Variants in TRIM67 observed in about 807,000 individuals in gnomAD.
TRIM67 encodes tripartite motif containing 67, also known as tripartite motif-containing protein 67.
A neutral mutation model predicts 71.0 loss-of-function variants in TRIM67; 39 were observed. The observed-to-expected ratio is 0.55, with a 90% CI of 0.43 to 0.72. The LOEUF is 0.72. Among genes scored for constraint, TRIM67 ranks in the 30% least tolerant of loss-of-function variants. The pLI is 0.00. For synonymous variants in TRIM67, 481 were observed against 473.9 expected (o/e 1.01, Z -0.19); for missense variants, 973 against 1,079.2 (o/e 0.90, Z 1.38).
chr1:231,186,355 C>G (rs1373968880), intron 1 of TRIM67, among the ~76,000 whole-genome samples: 1 of 152,168 alleles, frequency 6.6e-6, no homozygotes, highest in Non-Finnish European at 1.5e-5. Context: ...TCCTTTTAGT[C>G]CCTCTGTATT....
chr1:231,203,812 G>C lies in TRIM67; in HGVS notation c.1535-55G>C. On this transcript the variant is annotated intron_variant, in intron 5 of 9. Coordinates refer to ENST00000366653, the MANE Select transcript of TRIM67 (RefSeq NM_001004342.5). ...CTGGGATGGGGTGGGGTGGGGGACC[G>C]GGCTGGGGCCCTCGGAGGGCTTCCT... The C allele has an allele frequency of 2.5e-6, 4 of 1,574,460 alleles. No individual in the cohort carries two copies. The South Asian group carries it at 4.6e-5, about 18-fold the overall frequency.
chr1:231,168,955 A>T (rs1682549084), intron 1 of TRIM67, among the ~76,000 whole-genome samples: 2 of 152,264 alleles, frequency 1.3e-5, no homozygotes, highest in Admixed American at 6.5e-5. Flanking sequence ...AACTTTAAGC[A>T]GAGTGTTTGG....
rs1683009110 is a variant in TRIM67, at chr1:231,184,767, T to C, written c.1045-12604T>C. On this transcript the variant is annotated intron_variant, in intron 1 of 9. Coordinates refer to ENST00000366653, the MANE Select transcript of TRIM67 (RefSeq NM_001004342.5). ...TCATTCTACCGAGAACCACCATGAG[T>C]AGAGTGCCAGTCCCTGAACCCAGGG... 5.7e-6 allele frequency: 3 copies of C among 528,706 alleles called. No individual in the cohort carries two copies. The African/African-American group carries it at 5.9e-5, about 10-fold the overall frequency. 32.8% of individuals were successfully genotyped at this position (528,706 alleles called of 1,614,324 possible). A position where few individuals can be genotyped will look rare whatever the true frequency, so the allele number is the denominator to read the frequency against.
Position 231,215,383 on chromosome 1 carries a change from G to A in TRIM67, c.2295G>A (p.Leu765=). Residue 765 remains leucine, a synonymous_variant, in exon 10 of 10, where the codon CTG becomes CTA. Transcript: ENST00000366653. ...LSLNRNVQVT[L]HTGLEVPTNL... ...CCTGTCTTCTTTTCCAGGTCACCCT[G>A]CACACAGGATTGGAAGTGCCGACTA... is the stretch of plus-strand genomic sequence containing the variant. The A allele has an allele frequency of 6.2e-7, 1 of 1,612,788 alleles. No individual in the cohort carries two copies. Among genetic ancestry groups the A allele is most frequent in the Non-Finnish European group, 8.5e-7 (1 of 1,179,196 alleles).
intron 1 of TRIM67, chr1:231,184,454 A>T: frequency 6.5e-6 from 1 of 154,638 alleles, no homozygotes. Context: ...GGGAACCTGC[A>T]GTAGGCAAAT....
chr1:231,169,950 G>A (rs1682580061), intron 1 of TRIM67, among the ~76,000 whole-genome samples: 1 of 151,326 alleles, frequency 6.6e-6, no homozygotes, highest in African/African-American at 2.4e-5. Flanking sequence ...TGGTAATTCA[G>A]GGACCTTTAT....
In TRIM67 at chr1:231,216,279, C is replaced by A. The variant is rs1221919947; in HGVS notation, c.*839C>A. On this transcript the variant is annotated 3_prime_UTR_variant, in exon 10 of 10. Coordinates refer to ENST00000366653, the MANE Select transcript of TRIM67 (RefSeq NM_001004342.5). ...CCTCTTTCGCTCTCTTTCCCTCCCTCCTTCTCTCTCTCTCTCACACACACA... is the reference window on the plus strand; with the variant it reads ...CCTCTTTCGCTCTCTTTCCCTCCCTACTTCTCTCTCTCTCTCACACACACA... 3 of 984,006 alleles carry A rather than the reference C, an allele frequency of 3.0e-6. No individual in the cohort carries two copies. Among genetic ancestry groups the A allele is most frequent in the Non-Finnish European group, 2.4e-6 (2 of 828,772 alleles). The allele number at this position is 984,006 out of a possible 1,614,324, so 61.0% of individuals were successfully genotyped here.
At chr1:231,178,928 T>C (rs948859564) in intron 1 of TRIM67, among the ~76,000 whole-genome samples, 27 of 152,346 alleles carry the variant, frequency 1.8e-4, no homozygotes, top group African/African-American at 6.5e-4. Flanking sequence ...GCTTCCCTTG[T>C]GTCCTAGAGA....
At chr1:231,167,761 C>T (rs971727269) in intron 1 of TRIM67, among the ~76,000 whole-genome samples, 2 of 152,086 alleles carry the variant, frequency 1.3e-5, no homozygotes, top group African/African-American at 4.8e-5. Context: ...AGCCAACTCT[C>T]ACGTCTTAAG....
At position 231,219,614 on chromosome 1, in the gene TRIM67, A is replaced by C; in HGVS notation, c.*4174A>C. On this transcript the variant is annotated 3_prime_UTR_variant, in exon 10 of 10. Coordinates refer to ENST00000366653, the MANE Select transcript of TRIM67 (RefSeq NM_001004342.5). The stretch of plus-strand genomic sequence containing the variant: ...CCTGCCCGCTCCCCACTTCCTAGAA[A>C]GCAAAACTCGTTACCTTTGTTTTCC... 8.8e-7 allele frequency: 1 copy of C among 1,136,658 alleles called. No individual in the cohort carries two copies. Among genetic ancestry groups the C allele is most frequent in the Non-Finnish European group, 1.1e-6 (1 of 917,594 alleles). 70.4% of individuals were successfully genotyped at this position (1,136,658 alleles called of 1,614,324 possible). A position where few individuals can be genotyped will look rare whatever the true frequency, so the allele number is the denominator to read the frequency against.
In TRIM67 at chr1:231,220,855, A is replaced by G. The variant is rs920706636; in HGVS notation, c.*5415A>G. On this transcript the variant is annotated 3_prime_UTR_variant, in exon 10 of 10. Coordinates refer to ENST00000366653, the MANE Select transcript of TRIM67 (RefSeq NM_001004342.5). ...TGGGCCGGTGATGCGGGCACTGCAG[A>G]CCAGGCCAGGCCCTCGGGTAAAGCT... is the stretch of plus-strand genomic sequence containing the variant. The G allele has an allele frequency of 1.3e-5, 2 of 152,386 alleles. No individual in the cohort carries two copies. Among genetic ancestry groups the G allele is most frequent in the African/African-American group, 4.8e-5 (2 of 41,478 alleles). 9.4% of individuals were successfully genotyped at this position (152,386 alleles called of 1,614,324 possible).
At chr1:231,187,536 TA>T (rs1384682954) in intron 1 of TRIM67, 10 of 1,532,254 alleles carry the variant, frequency 6.5e-6, no homozygotes, top group Non-Finnish European at 8.7e-6. Flanking sequence ...GAGGGGCAGA[TA>T]AAAAGGTGAG....
intron 8 of TRIM67, among the ~76,000 whole-genome samples, chr1:231,210,485 A>T (rs1392675023): frequency 6.6e-6 from 1 of 151,352 alleles, no homozygotes; most frequent in Admixed American, 6.6e-5. Flanking sequence ...AGAGGCGGGC[A>T]GCTCTGTGCC....
Position 231,163,671 on chromosome 1 carries a change from C to G in TRIM67, c.702C>G (p.Cys234Trp). 1 of 1,517,360 alleles carries G rather than the reference C, an allele frequency of 6.6e-7. No homozygotes were observed. Among genetic ancestry groups the G allele is most frequent in the Non-Finnish European group, 8.8e-7 (1 of 1,134,350 alleles). The allele number at this position is 1,517,360 out of a possible 1,614,324, so 94.0% of individuals were successfully genotyped here. The change falls in exon 1 of 10, where the codon TGC becomes TGG. Residue 234 changes from cysteine to tryptophan, a missense_variant. By Grantham distance (215) the Cys-to-Trp change is radical. Around this residue, in one of 2 missense-constraint regions of TRIM67, gnomAD observed 795 missense variants for 831.3 expected, o/e 0.96. Transcript: ENST00000366653. ...GCGACGTCCTCTACTGCTCTGCCTG[C>G]CAGCTCAAGTGCCATCCATCCCGGG... ...EQCDVLYCSA[C>W]QLKCHPSRGP...
intron 7 of TRIM67, among the ~76,000 whole-genome samples, chr1:231,207,801 G>A (rs1482555085): frequency 2.0e-5 from 3 of 152,116 alleles, no homozygotes; most frequent in Non-Finnish European, 4.4e-5. Context: ...AGAGATGAGC[G>A]GTCCTTGCCC....
In TRIM67 at chr1:231,218,603, TC is replaced by T; in HGVS notation, c.*3165del. 1 of 985,480 alleles carries T rather than the reference TC, an allele frequency of 1.0e-6. No homozygotes were observed. Among genetic ancestry groups the T allele is most frequent in the South Asian group, 4.7e-5 (1 of 21,286 alleles). The allele number at this position is 985,480 out of a possible 1,614,324, so 61.0% of individuals were successfully genotyped here. A position where few individuals can be genotyped will look rare whatever the true frequency, so the allele number is the denominator to read the frequency against. Reference sequence around the variant, plus strand: ...AAGCCTGCTTTTCCTCTCTCTGTTCTCCTTGGGAAAATAATGATTCCAATTA... The same window carrying T: ...AAGCCTGCTTTTCCTCTCTCTGTTCTCTTGGGAAAATAATGATTCCAATTA... On this transcript the variant is annotated 3_prime_UTR_variant, in exon 10 of 10. Coordinates refer to ENST00000366653, the MANE Select transcript of TRIM67 (RefSeq NM_001004342.5).
chr1:231,186,236 A>G, intron 1 of TRIM67: 1 of 1,368,890 alleles, frequency 7.3e-7, no homozygotes, highest in Non-Finnish European at 1.0e-6. Context: ...ACAAGAGTAC[A>G]TTCTGGCAAA....
intron 1 of TRIM67, among the ~76,000 whole-genome samples, chr1:231,190,537 C>G (rs935682077): frequency 6.6e-6 from 1 of 152,174 alleles, no homozygotes; most frequent in African/African-American, 2.4e-5. Context: ...TGGGGGGTCA[C>G]CTTCAGCCTG....
chr1:231,204,657 G>C (rs1282839765), intron 6 of TRIM67, among the ~76,000 whole-genome samples: 1 of 152,180 alleles, frequency 6.6e-6, no homozygotes, highest in East Asian at 1.9e-4. Flanking sequence ...AGGCGGACAT[G>C]AATGCCAGAG....
Sources: allele counts gnomAD v4.1 joint callset (sites outside exome capture counted in the v4.1 genomes callset), GRCh38; gene constraint gnomAD v4.1.1; regional missense constraint gnomAD v4.1.1; transcripts MANE v1.5; gene names NCBI Gene and HGNC (gene_info 2026-07-23, HGNC 2026-07-21).